Variants in CDYL observed in about 807,000 individuals in gnomAD.
CDYL encodes the protein chromodomain Y-like protein.
In CDYL, 8 loss-of-function variants were observed where a neutral mutation model predicts 47.3. The ratio of observed to expected loss-of-function variants is 0.17; its 90% confidence interval spans 0.10 to 0.31. CDYL has a LOEUF of 0.31. Ranked by LOEUF, CDYL falls within the 10% of genes least tolerant of loss-of-function variation. The pLI, the probability that CDYL is intolerant of heterozygous loss-of-function variation, is 1.00. For missense variants in CDYL, 471 were observed against 701.4 expected, an observed-to-expected ratio of 0.67 and a Z score of 3.71; for synonymous variants, 266 against 265.0, an observed-to-expected ratio of 1.00 and a Z score of -0.04.
intron 3 of CDYL, among the ~76,000 whole-genome samples, chr6:4,769,506 G>T (rs1758304500): frequency 6.6e-6 from 1 of 152,040 alleles, no homozygotes; most frequent in Admixed American, 6.6e-5. Context: ...ATGCCTTTTT[G>T]CATATCTAGT....
chr6:4,734,335 A>C (rs1463713482), intron 2 of CDYL, among the ~76,000 whole-genome samples: 1 of 152,128 alleles, frequency 6.6e-6, no homozygotes, highest in Non-Finnish European at 1.5e-5. Flanking sequence ...GTCATCTCAG[A>C]GTCCCACTCC....
chr6:4,891,999 A>G lies in CDYL; in HGVS notation c.311A>G (p.Asp104Gly), dbSNP rs768787781. 5 of 1,614,218 alleles carry G rather than the reference A, an allele frequency of 3.1e-6. No homozygotes were observed. The highest frequency in any genetic ancestry group is 4.2e-6 in the Non-Finnish European group (5 of 1,180,040). The change falls in exon 2 of 7, where the codon GAC becomes GGC. Residue 104 changes from aspartate to glycine, a missense_variant. By Grantham distance (94) the Asp-to-Gly change is moderately conservative (BLOSUM62 -1). Transcript: ENST00000397588. ...TSPKALVIGK[D>G]HESKNSQLFA... ...CCTAAGGCACTCGTGATTGGGAAAG[A>G]CCACGAATCCAAAAACAGCCAGCTG... is the stretch of plus-strand genomic sequence containing the variant.
intron 1 of CDYL, among the ~76,000 whole-genome samples, chr6:4,890,398 C>T (rs1373653577): frequency 6.6e-6 from 1 of 152,164 alleles, no homozygotes; most frequent in East Asian, 1.9e-4. Context: ...GACGTTAATT[C>T]TGACTCTGTG....
chr6:4,824,059 A>G (rs1051152612), intron 1 of CDYL, among the ~76,000 whole-genome samples: 2 of 152,266 alleles, frequency 1.3e-5, no homozygotes, highest in Non-Finnish European at 2.9e-5. Flanking sequence ...AGCATGTATC[A>G]GCACTTTATT....
chr6:4,749,307 A>AGATGGATGGATGGATG lies in CDYL; in HGVS notation c.186+14481_186+14496dup, dbSNP rs61073067. On this transcript the variant is annotated intron_variant, in intron 3 of 8. Transcript: ENST00000328908. ...TGGATGGATGGATGGATGGATGGATAGATGGATGGATGGATGGATGGATGG... is the reference window on the plus strand; with the variant it reads ...TGGATGGATGGATGGATGGATGGATAGATGGATGGATGGATGGATGGATGGATGGATGGATGGATGG... Among the ~76,000 whole-genome samples, 91 of 146,612 alleles carry AGATGGATGGATGGATG rather than the reference A, an allele frequency of 6.2e-4. 1 individual carries two copies. The highest frequency in any genetic ancestry group is 2.2e-3 in the African/African-American group (88 of 39,462).
intron 4 of CDYL, among the ~76,000 whole-genome samples, chr6:4,943,192 G>A (rs939278049): frequency 6.6e-6 from 1 of 152,028 alleles, no homozygotes; most frequent in Non-Finnish European, 1.5e-5. Flanking sequence ...ATATGTACTG[G>A]GCTCCTGTGT....
At chr6:4,823,727 G>A (rs1427971102) in intron 1 of CDYL, among the ~76,000 whole-genome samples, 1 of 151,822 alleles carries the variant, frequency 6.6e-6, no homozygotes, top group Non-Finnish European at 1.5e-5. Flanking sequence ...TTTGTAACCG[G>A]TAAAATATAC....
intron 1 of CDYL, among the ~76,000 whole-genome samples, chr6:4,797,876 T>C (rs1040516608): frequency 2.0e-5 from 3 of 152,250 alleles, no homozygotes; most frequent in Non-Finnish European, 4.4e-5. Context: ...CTATTATGAA[T>C]ATGAGCATTC....
intron 3 of CDYL, among the ~76,000 whole-genome samples, chr6:4,735,683 T>A (rs1425541681): frequency 6.6e-6 from 1 of 152,080 alleles, no homozygotes; most frequent in Non-Finnish European, 1.5e-5. Context: ...GGAGAATCAC[T>A]TGAACCCAGG....
chr6:4,764,365 C>T (rs983912698), intron 3 of CDYL, among the ~76,000 whole-genome samples: 2 of 152,136 alleles, frequency 1.3e-5, no homozygotes, highest in African/African-American at 4.8e-5. Context: ...TCTCGGCTCA[C>T]TGCAGCCTCT....
chr6:4,897,109 C>T (rs1327917980), intron 2 of CDYL, among the ~76,000 whole-genome samples: 1 of 152,190 alleles, frequency 6.6e-6, no homozygotes, highest in African/African-American at 2.4e-5. Context: ...TTTTAATTCC[C>T]TAATGAATTA....
chr6:4,807,333 A>G (rs751684989), intron 1 of CDYL, among the ~76,000 whole-genome samples: 2 of 152,184 alleles, frequency 1.3e-5, no homozygotes, highest in Non-Finnish European at 2.9e-5. Flanking sequence ...GATGTCTGCC[A>G]AGTTTTTCCA....
intron 2 of CDYL, among the ~76,000 whole-genome samples, chr6:4,921,718 A>G (rs752716612): frequency 6.6e-6 from 1 of 151,970 alleles, no homozygotes; most frequent in Non-Finnish European, 1.5e-5. Context: ...GTAAACCTTC[A>G]TCATCCCCTG....
intron 1 of CDYL, among the ~76,000 whole-genome samples, chr6:4,887,590 G>T (rs1761930916): frequency 1.3e-5 from 2 of 151,852 alleles, no homozygotes; most frequent in African/African-American, 4.8e-5. Context: ...GTTTTTAATG[G>T]ACTCCTTAAA....
chr6:4,926,071 GC>G lies in CDYL; in HGVS notation c.692-9442del, dbSNP rs1253874248. ...TTGGAAGTCTACTAGAATTAGACTA[GC>G]CTTTAACTCGGAGACCCCTATGGAT... On this transcript the variant is annotated intron_variant, in intron 2 of 6. Transcript: ENST00000397588. 2.0e-5 allele frequency among the ~76,000 whole-genome samples: 3 copies of G among 152,278 alleles called. No homozygotes were observed. In the East Asian group the frequency reaches 5.8e-4, roughly 29 times the overall value.
upstream of CDYL, among the ~76,000 whole-genome samples, chr6:4,774,234 C>T (rs1758382020): frequency 6.6e-6 from 1 of 152,186 alleles, no homozygotes; most frequent in African/African-American, 2.4e-5. Flanking sequence ...TATTGAGGAT[C>T]TCTTTTTTAC....
intron 3 of CDYL, among the ~76,000 whole-genome samples, chr6:4,751,682 A>G (rs1278305297): frequency 2.0e-5 from 3 of 152,220 alleles, no homozygotes; most frequent in Non-Finnish European, 4.4e-5. Context: ...TTCACATGAT[A>G]AGCTGCTCCA....
At chr6:4,861,117 A>T (rs765581930) in intron 1 of CDYL, among the ~76,000 whole-genome samples, 5 of 152,266 alleles carry the variant, frequency 3.3e-5, no homozygotes, top group Non-Finnish European at 5.9e-5. Flanking sequence ...GGATCTAAAA[A>T]TATAGAAGAG....
chr6:4,807,638 C>T (rs1240493125), intron 1 of CDYL, among the ~76,000 whole-genome samples: 2 of 109,954 alleles, frequency 1.8e-5, no homozygotes, highest in African/African-American at 7.0e-5. Flanking sequence ...GGCTCTTGCA[C>T]TGTCATCCAG....
Sources: allele counts gnomAD v4.1 joint callset (sites outside exome capture counted in the v4.1 genomes callset), GRCh38; gene constraint gnomAD v4.1.1; transcripts MANE v1.5; gene names NCBI Gene and HGNC (gene_info 2026-07-23, HGNC 2026-07-21).